The following MAGI2 variants were observed in gnomAD, a reference collection of about 807,000 sequenced individuals.
The protein encoded by MAGI2 is membrane associated guanylate kinase, WW and PDZ domain containing 2.
MAGI2 carries 35 observed loss-of-function variants against 133.3 expected under a neutral mutation model. The ratio of observed to expected loss-of-function variants is 0.26; its 90% confidence interval spans 0.20 to 0.35. MAGI2 has a LOEUF of 0.35. Among genes scored for constraint, MAGI2 ranks in the 10% least tolerant of loss-of-function variants. MAGI2 has a pLI of 1.00. For synonymous variants in MAGI2, 729 were observed against 710.6 expected, an observed-to-expected ratio of 1.03 and a Z score of -0.41; for missense variants, 1,636 against 1,863.4, an observed-to-expected ratio of 0.88 and a Z score of 2.25.
intron 10 of MAGI2, among the ~76,000 whole-genome samples, chr7:78,202,934 A>T (rs962554933): frequency 3.9e-5 from 6 of 152,184 alleles, no homozygotes; most frequent in African/African-American, 1.4e-4. Flanking sequence ...GACAGTAAAA[A>T]TTACATATAA....
chr7:79,044,544 C>T (rs1329918975), intron 1 of MAGI2, among the ~76,000 whole-genome samples: 1 of 152,146 alleles, frequency 6.6e-6, no homozygotes, highest in Non-Finnish European at 1.5e-5. Flanking sequence ...ACTCTCACCA[C>T]TCCTAAAAGT....
chr7:78,559,407 T>C (rs1800187537), intron 3 of MAGI2, among the ~76,000 whole-genome samples: 1 of 152,016 alleles, frequency 6.6e-6, no homozygotes, highest in Non-Finnish European at 1.5e-5. Context: ...AAAGGGTCAA[T>C]AATAGGTACA....
At chr7:78,873,938 C>T (rs1232366826) in intron 2 of MAGI2, among the ~76,000 whole-genome samples, 1 of 152,004 alleles carries the variant, frequency 6.6e-6, no homozygotes, top group Non-Finnish European at 1.5e-5. Context: ...TTAATTATTT[C>T]CAGATAATCA....
chr7:79,060,198 G>A (rs1204593926), intron 1 of MAGI2, among the ~76,000 whole-genome samples: 1 of 151,990 alleles, frequency 6.6e-6, no homozygotes, highest in Non-Finnish European at 1.5e-5. Context: ...TGAAGTTTAA[G>A]GTTTTCAAGG....
chr7:78,050,549 A>G (rs1429363039), intron 21 of MAGI2, among the ~76,000 whole-genome samples: 1 of 152,234 alleles, frequency 6.6e-6, no homozygotes, highest in Non-Finnish European at 1.5e-5. Flanking sequence ...GATTTAGCAA[A>G]GGCTACTGCT....
At chr7:78,049,886 C>T (rs1000552414) in intron 21 of MAGI2, among the ~76,000 whole-genome samples, 1 of 152,188 alleles carries the variant, frequency 6.6e-6, no homozygotes, top group African/African-American at 2.4e-5. Context: ...TTCAGGGTCT[C>T]ACTGAACACC....
intron 10 of MAGI2, among the ~76,000 whole-genome samples, chr7:78,248,426 A>C (rs1233979910): frequency 1.3e-5 from 2 of 152,178 alleles, no homozygotes; most frequent in Admixed American, 6.5e-5. Context: ...TCTATCAATA[A>C]ATACTTTGAA....
In MAGI2 at chr7:78,853,632, G is replaced by T. The variant is rs144112012; in HGVS notation, c.418+153458C>A. On this transcript the variant is annotated intron_variant, in intron 2 of 21. Coordinates refer to ENST00000354212, the MANE Select transcript of MAGI2 (RefSeq NM_012301.4). ...CGACCTCCCAAAGTGCTGTGGTTAT[G>T]GGCGTAAGCCACCATGTCTGGCCCA... Among the ~76,000 whole-genome samples the T allele has an allele frequency of 3.0e-3, 451 of 152,050 alleles. 4 individuals are homozygous for T. Among genetic ancestry groups the T allele is most frequent in the African/African-American group, 0.01 (427 of 41,510 alleles).
intron 2 of MAGI2, among the ~76,000 whole-genome samples, chr7:78,991,250 T>C (rs990938534): frequency 6.6e-6 from 1 of 150,798 alleles, no homozygotes; most frequent in African/African-American, 2.4e-5. Flanking sequence ...ACTAAACCTT[T>C]CTTTTATAAA....
At position 78,497,859 on chromosome 7, in the gene MAGI2, A is replaced by C. The variant is rs572556453; in HGVS notation, c.965+3718T>G. Among the ~76,000 whole-genome samples, 4 of 152,216 alleles carry C rather than the reference A, an allele frequency of 2.6e-5. No homozygotes were observed. The South Asian group carries it at 8.3e-4, about 32-fold the overall frequency. On this transcript the variant is annotated intron_variant, in intron 5 of 21. Coordinates refer to ENST00000354212, the MANE Select transcript of MAGI2 (RefSeq NM_012301.4). ...CTTCATTTCAAAGGATACAGACTTC[A>C]GCAAAGTCTAATTAAAGGGTGGGAC...
At chr7:78,096,090 T>G (rs1226290973) in intron 20 of MAGI2, among the ~76,000 whole-genome samples, 1 of 152,236 alleles carries the variant, frequency 6.6e-6, no homozygotes, top group Non-Finnish European at 1.5e-5. Context: ...CCTAATATGC[T>G]AGGTTCTATT....
rs980341561 is a variant in MAGI2 at position 79,292,723 on chromosome 7, C to G, written c.301+160297G>C. Among the ~76,000 whole-genome samples the G allele has an allele frequency of 6.9e-5, 9 of 129,748 alleles. No homozygotes were observed. The Admixed American group carries it at 8.9e-4, about 13-fold the overall frequency. The allele number at this position is 129,748 out of a possible 152,430, so 85.1% of individuals were successfully genotyped here. A position where few individuals can be genotyped will look rare whatever the true frequency, so the allele number is the denominator to read the frequency against. ...CAGGATTGTTTTGCCTATTCTGGGT[C>G]CTTTATCTTTCTTCACATCAATTTT... On this transcript the variant is annotated intron_variant, in intron 1 of 21. Coordinates refer to ENST00000354212, the MANE Select transcript of MAGI2 (RefSeq NM_012301.4).
intron 2 of MAGI2, among the ~76,000 whole-genome samples, chr7:78,668,122 T>C (rs1813860086): frequency 6.6e-6 from 1 of 152,206 alleles, no homozygotes; most frequent in South Asian, 2.1e-4. Flanking sequence ...GTGGTTTTGA[T>C]TTGCATTTCT....
intron 3 of MAGI2, among the ~76,000 whole-genome samples, chr7:78,565,723 A>G (rs959558900): frequency 6.6e-6 from 1 of 152,200 alleles, no homozygotes; most frequent in African/African-American, 2.4e-5. Flanking sequence ...TGGCACGACT[A>G]ATATACTTTA....
intron 2 of MAGI2, among the ~76,000 whole-genome samples, chr7:78,655,227 T>C (rs184781938): frequency 6.6e-6 from 1 of 151,810 alleles, no homozygotes; most frequent in Admixed American, 6.6e-5. Context: ...GGAAAACCTA[T>C]TGTCAAAACC....
chr7:79,257,618 T>C (rs1310623860), intron 1 of MAGI2, among the ~76,000 whole-genome samples: 1 of 152,202 alleles, frequency 6.6e-6, no homozygotes, highest in Admixed American at 6.5e-5. Flanking sequence ...CCACTTTTAG[T>C]GATTAGATTT....
At chr7:78,370,343 C>A (rs2151264688) in intron 6 of MAGI2, among the ~76,000 whole-genome samples, 1 of 152,074 alleles carries the variant, frequency 6.6e-6, no homozygotes, top group Middle Eastern at 3.4e-3. Flanking sequence ...ATGTGTGTTA[C>A]CGCACAATAT....
chr7:79,290,240 T>A (rs1836356991), intron 1 of MAGI2, among the ~76,000 whole-genome samples: 1 of 152,066 alleles, frequency 6.6e-6, no homozygotes, highest in Non-Finnish European at 1.5e-5. Context: ...GAACTCCTAT[T>A]CTCGTACCAC....
At chr7:78,316,236 G>A (rs1787397657) in intron 9 of MAGI2, among the ~76,000 whole-genome samples, 1 of 152,208 alleles carries the variant, frequency 6.6e-6, no homozygotes, top group East Asian at 1.9e-4. Context: ...AAAGATGTGT[G>A]TATTCTTTTC....
Sources: allele counts gnomAD v4.1 joint callset (sites outside exome capture counted in the v4.1 genomes callset), GRCh38; gene constraint gnomAD v4.1.1; transcripts MANE v1.5; gene names NCBI Gene and HGNC (gene_info 2026-07-23, HGNC 2026-07-21).